SPTLC2: variants seen among roughly 807,000 people sequenced by gnomAD.
SPTLC2 encodes serine palmitoyltransferase 2.
A neutral mutation model predicts 62.0 loss-of-function variants in SPTLC2; 21 were observed. The observed-to-expected ratio is 0.34, with a 90% confidence interval of 0.24 to 0.49. SPTLC2 has a LOEUF of 0.49. SPTLC2 is among the 20% of genes least tolerant of loss of function. The pLI, the probability that SPTLC2 is intolerant of heterozygous loss-of-function variation, is 0.99. For synonymous variants in SPTLC2, 261 were observed against 261.8 expected, an observed-to-expected ratio of 1.00 and a Z score of 0.03; for missense variants, 511 against 713.0, an observed-to-expected ratio of 0.72 and a Z score of 3.23.
In SPTLC2 at chr14:77,518,046, G is replaced by T. The variant is rs769834951; in HGVS notation, c.1561C>A (p.Leu521Ile). Reference sequence around the variant, plus strand: ...TGAAAGTGCCTACTTACAGTATCAAGTATTTCTTTGGTATGAGCTGCTGAC... The same window carrying T: ...TGAAAGTGCCTACTTACAGTATCAATTATTTCTTTGGTATGAGCTGCTGAC... ...CLSAAHTKEI[L>I]DTALKEIDEV... Residue 521 changes from leucine (L) to isoleucine (I), a missense_variant, in exon 11 of 12, where the codon CTT (leucine) becomes ATT (isoleucine). Coordinates refer to ENST00000216484, the MANE Select transcript of SPTLC2 (RefSeq NM_004863.4). The T allele has an allele frequency of 6.2e-7, 1 of 1,614,160 alleles. No individual in the cohort carries two copies. The highest frequency in any genetic ancestry group is 8.5e-7 in the Non-Finnish European group (1 of 1,180,014).
chr14:77,557,630 T>A (rs980969090), intron 6 of SPTLC2, among the ~76,000 whole-genome samples: 1 of 152,102 alleles, frequency 6.6e-6, no homozygotes, highest in Non-Finnish European at 1.5e-5. Context: ...CGTGCTCCAT[T>A]TCCTTTCACC....
At chr14:77,586,015 T>C (rs933511683) in intron 2 of SPTLC2, among the ~76,000 whole-genome samples, 1 of 152,068 alleles carries the variant, frequency 6.6e-6, no homozygotes, top group Non-Finnish European at 1.5e-5. Flanking sequence ...GAAAAGTGTG[T>C]TGGTTTCTCA....
intron 5 of SPTLC2, among the ~76,000 whole-genome samples, chr14:77,564,004 C>T (rs939329273): frequency 6.6e-6 from 1 of 151,854 alleles, no homozygotes; most frequent in East Asian, 1.9e-4. Context: ...GTAATCCTGG[C>T]AATTTGGGAG....
At position 77,576,892 on chromosome 14, in the gene SPTLC2, C is replaced by T; in HGVS notation, c.506G>A (p.Gly169Asp). The T allele has an allele frequency of 1.2e-6, 2 of 1,614,028 alleles. No homozygotes were observed. The highest frequency in any genetic ancestry group is 1.1e-5 in the South Asian group (1 of 91,078). ...SFKYTGNIIKGVINMGSYNYL... is the reference protein window; with the variant it reads ...SFKYTGNIIKDVINMGSYNYL... ...GTTGTAGGAACCCATGTTTATAACACCCTTTATTATATTCCCTGTATACCT... is the reference window on the plus strand; with the variant it reads ...GTTGTAGGAACCCATGTTTATAACATCCTTTATTATATTCCCTGTATACCT... Residue 169 changes from glycine (G) to aspartate (D), a missense_variant, in exon 4 of 12, where the codon GGT becomes GAT. Gly to Asp is a moderately conservative substitution (Grantham distance 94). Transcript: ENST00000216484.
At chr14:77,533,300 CAAAAAAAAAA>C (rs35192294) in intron 9 of SPTLC2, among the ~76,000 whole-genome samples, 1 of 98,498 alleles carries the variant, frequency 1.0e-5, no homozygotes, top group Non-Finnish European at 2.1e-5. Flanking sequence ...AACTCCGTTG[CAAAAAAAAAA>C]AAAAAAAAAA....
At chr14:77,556,432 G>A (rs2079584429) in intron 7 of SPTLC2, among the ~76,000 whole-genome samples, 1 of 152,074 alleles carries the variant, frequency 6.6e-6, no homozygotes, top group African/African-American at 2.4e-5. Flanking sequence ...GTAATTACAG[G>A]CAACATGAGA....
intron 4 of SPTLC2, among the ~76,000 whole-genome samples, chr14:77,572,844 C>T (rs1660478741): frequency 6.6e-6 from 1 of 152,180 alleles, no homozygotes; most frequent in Non-Finnish European, 1.5e-5. Context: ...GCTTCCTTAC[C>T]TCTTTCAGCC....
Position 77,512,212 on chromosome 14 carries a change from T to C in SPTLC2, c.*72A>G. The C allele has an allele frequency of 1.2e-6, 2 of 1,609,548 alleles. No homozygotes were observed. The highest frequency in any genetic ancestry group is 1.7e-6 in the Non-Finnish European group (2 of 1,177,848). On this transcript the variant is annotated 3_prime_UTR_variant, in exon 12 of 12. Transcript: ENST00000216484. ...GAGATGGCCACAGAAGTGTGGTTCCTGGAACTGGCTCACAAAGGCCACAGG... is the reference window on the plus strand; with the variant it reads ...GAGATGGCCACAGAAGTGTGGTTCCCGGAACTGGCTCACAAAGGCCACAGG...
At chr14:77,542,618 C>T (rs2079507330) in intron 9 of SPTLC2, among the ~76,000 whole-genome samples, 1 of 152,188 alleles carries the variant, frequency 6.6e-6, no homozygotes. Context: ...GCCGGGGCCA[C>T]TGTCAAGCTA....
intron 9 of SPTLC2, among the ~76,000 whole-genome samples, chr14:77,542,394 G>C (rs1030008002): frequency 5.9e-5 from 9 of 152,110 alleles, no homozygotes; most frequent in African/African-American, 2.2e-4. Context: ...GTTAAGAAAA[G>C]GAAAATAAAT....
At chr14:77,585,134 C>A (rs532049315) in intron 2 of SPTLC2, among the ~76,000 whole-genome samples, 1 of 152,164 alleles carries the variant, frequency 6.6e-6, no homozygotes, top group Non-Finnish European at 1.5e-5. Context: ...TCACTGCTCT[C>A]GCCCCTCCAC....
At chr14:77,550,112 C>T (rs2079548211) in intron 9 of SPTLC2, among the ~76,000 whole-genome samples, 1 of 152,216 alleles carries the variant, frequency 6.6e-6, no homozygotes, top group African/African-American at 2.4e-5. Flanking sequence ...TAACAGGGAG[C>T]TATTCACAGG....
chr14:77,557,012 C>A (rs1011306595), intron 7 of SPTLC2, 29 bp downstream of exon 7: 7 of 1,588,416 alleles, frequency 4.4e-6, no homozygotes, highest in Non-Finnish European at 6.0e-6. Flanking sequence ...GGCCAAGTCA[C>A]AAAGGTAAGA....
Position 77,512,029 on chromosome 14 carries a change from A to C in SPTLC2, c.*255T>G. On this transcript the variant is annotated 3_prime_UTR_variant, in exon 12 of 12. Coordinates refer to ENST00000216484, the MANE Select transcript of SPTLC2 (RefSeq NM_004863.4). ...ACAAGTAGAATGGTTGCAAAATAAA[A>C]TGTTTTTTTAATGGACTGAAAAAGC... is the stretch of plus-strand genomic sequence containing the variant. 2.0e-6 allele frequency: 1 copy of C among 508,126 alleles called. No homozygotes were observed. Among genetic ancestry groups the C allele is most frequent in the Non-Finnish European group, 3.6e-6 (1 of 281,150 alleles). The allele number at this position is 508,126 out of a possible 1,614,324, so 31.5% of individuals were successfully genotyped here.
chr14:77,594,426 T>C (rs1213604959), intron 2 of SPTLC2, among the ~76,000 whole-genome samples: 1 of 152,156 alleles, frequency 6.6e-6, no homozygotes, highest in Admixed American at 6.6e-5. Flanking sequence ...TCATCACACT[T>C]TGAGCACCAG....
intron 6 of SPTLC2, 115 bp from the exon 7 acceptor site, chr14:77,557,261 T>C (rs1040837036): frequency 3.2e-6 from 3 of 935,850 alleles, no homozygotes; most frequent in South Asian, 2.9e-5. Context: ...GCAAAGGACA[T>C]AATTAGAGTT....
intron 2 of SPTLC2, among the ~76,000 whole-genome samples, chr14:77,595,404 GT>G (rs1314253999): frequency 1.3e-5 from 2 of 152,042 alleles, no homozygotes; most frequent in Non-Finnish European, 2.9e-5. Flanking sequence ...TTAAAAATGT[GT>G]TTGGGTTTTA....
chr14:77,590,704 A>G (rs1440055527), intron 2 of SPTLC2, among the ~76,000 whole-genome samples: 2 of 152,148 alleles, frequency 1.3e-5, no homozygotes, highest in Admixed American at 6.6e-5. Flanking sequence ...AGAGCAAGAC[A>G]CTGTCTCAAG....
intron 1 of SPTLC2, among the ~76,000 whole-genome samples, chr14:77,606,360 A>C (rs1229439101): frequency 1.5e-5 from 2 of 137,192 alleles, no homozygotes; most frequent in Non-Finnish European, 3.1e-5. Flanking sequence ...TTGCTTTCCC[A>C]GGAGGGAGGG....
Sources: gnomAD v4.1 joint callset for allele counts (sites outside exome capture counted in the v4.1 genomes callset) on GRCh38, gnomAD v4.1.1 for gene constraint, MANE v1.5 for transcripts, NCBI Gene and HGNC (gene_info 2026-07-23, HGNC 2026-07-21) for gene names.